CWF19L1: variants seen among roughly 807,000 people sequenced by gnomAD.
CWF19L1 encodes the protein CWF19 like cell cycle control factor 1.
A neutral mutation model predicts 69.7 loss-of-function variants in CWF19L1; 60 were observed. The ratio of observed to expected loss-of-function variants is 0.86; its 90% CI spans 0.70 to 1.07. The LOEUF is 1.07. Ranked by LOEUF, CWF19L1 falls within the 50% of genes least tolerant of loss-of-function variation. The pLI is 0.00. For missense variants in CWF19L1, 591 were observed against 638.9 expected (o/e 0.92, Z 0.81); for synonymous variants, 209 against 222.2 (o/e 0.94, Z 0.53).
At chr10:100,239,910 T>C (rs188695690) in intron 10 of CWF19L1, among the ~76,000 whole-genome samples, 2 of 152,298 alleles carry the variant, frequency 1.3e-5, no homozygotes, top group Admixed American at 1.3e-4. Context: ...CCACTTTATA[T>C]TGTATTTGTT....
At chr10:100,254,989 G>C (rs1413896006) in intron 5 of CWF19L1, among the ~76,000 whole-genome samples, 1 of 152,124 alleles carries the variant, frequency 6.6e-6, no homozygotes, top group African/African-American at 2.4e-5. Flanking sequence ...AACTGGCAAG[G>C]GGTGGTATAC....
chr10:100,261,443 A>C (rs997189993), intron 2 of CWF19L1, among the ~76,000 whole-genome samples: 3 of 152,230 alleles, frequency 2.0e-5, no homozygotes, highest in African/African-American at 7.2e-5. Flanking sequence ...AAAACTTAAA[A>C]TATTAGAATC....
intron 1 of CWF19L1, among the ~76,000 whole-genome samples, chr10:100,262,903 T>C (rs544670071): frequency 5.8e-4 from 88 of 151,908 alleles, no homozygotes; most frequent in African/African-American, 1.8e-3. Context: ...CTTTCTGGCG[T>C]GCTTTTATTG....
At chr10:100,266,783 G>C (rs1002797890) in intron 1 of CWF19L1, among the ~76,000 whole-genome samples, 1 of 145,546 alleles carries the variant, frequency 6.9e-6, no homozygotes, top group African/African-American at 2.6e-5. Context: ...GCCTCCCAAA[G>C]TGCTAGGATT....
At chr10:100,237,042 A>G (rs1424131002) in intron 11 of CWF19L1, 73 bp from the exon 12 acceptor site, 1 of 1,511,204 alleles carries the variant, frequency 6.6e-7, no homozygotes, top group Non-Finnish European at 8.9e-7. Flanking sequence ...GTCTCTGAGA[A>G]GTAGCAAATC....
rs780503986 is a variant in CWF19L1, at chr10:100,250,976, T to A, written c.624-644A>T. Among the ~76,000 whole-genome samples the A allele has an allele frequency of 2.1e-3, 317 of 150,392 alleles. 1 individual carries two copies. The highest frequency in any genetic ancestry group is 3.3e-3 in the Non-Finnish European group (220 of 67,540). On this transcript the variant is annotated intron_variant, in intron 6 of 13. Transcript: ENST00000354105. ...AAAAAAAAATTAAAAAAAAAAAAAA[T>A]GTAGTCCTTTGTGTCTGGCTTCATT...
chr10:100,261,395 T>C (rs954131009), intron 2 of CWF19L1, among the ~76,000 whole-genome samples: 1 of 152,228 alleles, frequency 6.6e-6, no homozygotes, highest in South Asian at 2.1e-4. Flanking sequence ...TACAGTCACA[T>C]AGAAATAGAT....
rs1375788059 is a variant in CWF19L1, at chr10:100,232,736, A to G, written c.*491T>C. On this transcript the variant is annotated 3_prime_UTR_variant, in exon 14 of 14. Transcript: ENST00000354105. Reference sequence around the variant, plus strand: ...CCTTAACATAGGATTTTCATCCTAGAATGACTTTTCCCCAAAAAGATTCAA... The same window carrying G: ...CCTTAACATAGGATTTTCATCCTAGGATGACTTTTCCCCAAAAAGATTCAA... The G allele has an allele frequency of 6.6e-6, 1 of 152,340 alleles. No individual in the cohort carries two copies. Among genetic ancestry groups the G allele is most frequent in the Admixed American group, 6.5e-5 (1 of 15,288 alleles). The allele number at this position is 152,340 out of a possible 1,614,324, so 9.4% of individuals were successfully genotyped here. A position where few individuals can be genotyped will look rare whatever the true frequency, so the allele number is the denominator to read the frequency against.
rs1230230853 is a variant in CWF19L1, at chr10:100,238,155, A to G, written c.1121T>C (p.Val374Ala). The G allele has an allele frequency of 6.2e-7, 1 of 1,614,050 alleles. No individual in the cohort carries two copies. Among genetic ancestry groups the G allele is most frequent in the African/African-American group, 1.3e-5 (1 of 75,004 alleles). ...TACCACCTCTGCTGAAAGCTCCACC[A>G]CTGACTGGTAGTGTCCAATAGGCAG... Reference protein sequence around the residue: ...LILPIGHYQSVVELSAEVVEE... With the variant: ...LILPIGHYQSAVELSAEVVEE... Residue 374 changes from valine (V) to alanine (A), a missense_variant, in exon 11 of 14, where the codon GTG (valine) becomes GCG (alanine). Transcript: ENST00000354105.
intron 7 of CWF19L1, 122 bp from the exon 8 acceptor site, chr10:100,247,057 C>T: frequency 1.2e-6 from 1 of 867,492 alleles, no homozygotes; most frequent in Non-Finnish European, 1.7e-6. Context: ...AAAAGAACAG[C>T]AACCAGCCCA....
chr10:100,266,336 G>C (rs1361303439), intron 1 of CWF19L1, among the ~76,000 whole-genome samples: 1 of 143,448 alleles, frequency 7.0e-6, no homozygotes, highest in Non-Finnish European at 1.5e-5. Flanking sequence ...GGACCACCAC[G>C]CCCGGCTAAT....
chr10:100,241,074 G>A (rs1846625021), intron 10 of CWF19L1, among the ~76,000 whole-genome samples: 1 of 138,954 alleles, frequency 7.2e-6, no homozygotes, highest in Middle Eastern at 3.7e-3. Flanking sequence ...GCAGTGGCGC[G>A]ATCTTGGCCT....
At chr10:100,263,616 G>T (rs1847475495) in intron 1 of CWF19L1, among the ~76,000 whole-genome samples, 1 of 152,172 alleles carries the variant, frequency 6.6e-6, no homozygotes, top group African/African-American at 2.4e-5. Flanking sequence ...AATTACCATT[G>T]TCTCTGGGAG....
At chr10:100,236,798 C>CA (rs1042127377) in intron 12 of CWF19L1, 52 bp downstream of exon 12, 492 of 1,527,818 alleles carry the variant, frequency 3.2e-4, no homozygotes, top group South Asian at 9.8e-4. Flanking sequence ...CAAACAACAA[C>CA]AAAAAAAACA....
At chr10:100,235,067 T>A (rs931931990) in intron 13 of CWF19L1, among the ~76,000 whole-genome samples, 2 of 152,168 alleles carry the variant, frequency 1.3e-5, no homozygotes, top group Non-Finnish European at 2.9e-5. Flanking sequence ...AATCAAAAAT[T>A]TAGTTCCTCA....
Position 100,261,883 on chromosome 10 carries a change from TG to T in CWF19L1, c.108+95del, listed in dbSNP as rs1847413843. The T allele has an allele frequency of 7.7e-6, 8 of 1,039,064 alleles. No individual in the cohort carries two copies. The Admixed American group carries it at 2.4e-4, about 31-fold the overall frequency. 64.4% of individuals were successfully genotyped at this position (1,039,064 alleles called of 1,614,324 possible). On this transcript the variant is annotated intron_variant, in intron 2 of 13. Coordinates refer to ENST00000354105, the MANE Select transcript of CWF19L1 (RefSeq NM_018294.6). ...TGAAGGGAACTCAATTTAACAAAAA[TG>T]GTATGTGTTCAATCAAGACTTAAAG...
At position 100,233,275 on chromosome 10, in the gene CWF19L1, G is replaced by A; in HGVS notation, c.1569C>T (p.Arg523=). ...AGGGCTCAAAGTCTTTCCGGAAGCG[G>A]CGAGCCAGGGTCTCCTCGTCTTCCT... is the stretch of plus-strand genomic sequence containing the variant. ...ISKEDEETLA[R]RFRKDFEPYD... is the part of the protein sequence containing the mutation. Residue 523 remains arginine, a synonymous_variant, in exon 14 of 14, where the codon CGC becomes CGT. Coordinates refer to ENST00000354105, the MANE Select transcript of CWF19L1 (RefSeq NM_018294.6). The A allele has an allele frequency of 6.2e-7, 1 of 1,613,804 alleles. No individual in the cohort carries two copies. Among genetic ancestry groups the A allele is most frequent in the East Asian group, 2.2e-5 (1 of 44,870 alleles).
rs1463812603 is a variant in CWF19L1 at position 100,256,161 on chromosome 10, C to CA, written c.504+100dup. ...CAGAAGACTTCTAATAAAAGGTACC[C>CA]AAGAGCTAAAATACTCAATATAAAC... On this transcript the variant is annotated intron_variant, in intron 5 of 13. Coordinates refer to ENST00000354105, the MANE Select transcript of CWF19L1 (RefSeq NM_018294.6). 55 of 858,230 alleles carry CA rather than the reference C, an allele frequency of 6.4e-5. No individual in the cohort carries two copies. In the South Asian group the frequency reaches 8.2e-4, roughly 13 times the overall value. The allele number at this position is 858,230 out of a possible 1,614,324, so 53.2% of individuals were successfully genotyped here.
At chr10:100,256,557 A>C (rs1012573827) in intron 4 of CWF19L1, 81 bp from the exon 5 acceptor site, 1 of 1,058,244 alleles carries the variant, frequency 9.4e-7, no homozygotes, top group African/African-American at 1.6e-5. Context: ...ATCTCCCATG[A>C]CTCTCCTATG....
Sources: gnomAD v4.1 joint callset for allele counts (sites outside exome capture counted in the v4.1 genomes callset) on GRCh38, gnomAD v4.1.1 for gene constraint, MANE v1.5 for transcripts, NCBI Gene and HGNC (gene_info 2026-07-23, HGNC 2026-07-21) for gene names.